DNAH1: variants seen among roughly 807,000 people sequenced by gnomAD.
DNAH1 encodes axonemal beta dynein heavy chain 1.
A neutral mutation model predicts 484.3 loss-of-function variants in DNAH1; 327 were observed. The observed-to-expected ratio is 0.68, with a 90% confidence interval of 0.62 to 0.74. The LOEUF is 0.74. Ranked by LOEUF, DNAH1 falls within the 30% of genes least tolerant of loss-of-function variation. The pLI, the probability that DNAH1 is intolerant of heterozygous loss-of-function variation, is 0.00. For synonymous variants in DNAH1, 2,192 were observed against 2,191.9 expected, an observed-to-expected ratio of 1.00 and a Z score of 0.00; for missense variants, 5,052 against 5,546.8, an observed-to-expected ratio of 0.91 and a Z score of 2.83.
rs924896677 is a variant in DNAH1, at chr3:52,348,733, C to T, written c.2107-155C>T. On this transcript the variant is annotated intron_variant, in intron 12 of 77. Coordinates refer to ENST00000420323, the MANE Select transcript of DNAH1 (RefSeq NM_015512.5). ...CAAACCCCCTTCTCCCGCTGCATCC[C>T]TCCTTTTGTATTTGGTCACCCTGCC... Among the ~76,000 whole-genome samples, 13 of 152,174 alleles carry T rather than the reference C, an allele frequency of 8.5e-5. 1 individual carries two copies. In the East Asian group the frequency reaches 9.6e-4, roughly 11 times the overall value.
chr3:52,391,519 A>T lies in DNAH1; in HGVS notation c.9968A>T (p.Tyr3323Phe). 1 of 1,613,600 alleles carries T rather than the reference A, an allele frequency of 6.2e-7. No individual in the cohort carries two copies. Among genetic ancestry groups the T allele is most frequent in the Non-Finnish European group, 8.5e-7 (1 of 1,179,774 alleles). ...VIPYHEDFRMYITTKLPNPHY... is the reference protein window; with the variant it reads ...VIPYHEDFRMFITTKLPNPHY... ...CCCTACCATGAGGACTTCAGGATGT[A>T]CATCACCACCAAGCTGCCCAACCCA... Residue 3323 changes from tyrosine to phenylalanine, a missense_variant, in exon 63 of 78, where the codon TAC becomes TTC. Around this residue, in one of 4 missense-constraint regions of DNAH1, gnomAD observed 2,929 missense variants for 3,409.4 expected, o/e 0.86. Transcript: ENST00000420323.
intron 75 of DNAH1, among the ~76,000 whole-genome samples, chr3:52,398,630 A>C (rs1041042740): frequency 1.3e-5 from 2 of 152,018 alleles, no homozygotes; most frequent in African/African-American, 4.8e-5. Flanking sequence ...TAGACGAGTA[A>C]ACTGTGACCC....
rs1702895031 is a variant in DNAH1, at chr3:52,362,262, G to C, written c.4981-126G>C. 1.3e-6 allele frequency: 1 copy of C among 741,054 alleles called. No homozygotes were observed. Among genetic ancestry groups the C allele is most frequent in the Admixed American group, 2.3e-5 (1 of 42,764 alleles). The allele number at this position is 741,054 out of a possible 1,614,324, so 45.9% of individuals were successfully genotyped here. On this transcript the variant is annotated intron_variant, in intron 30 of 77. Transcript: ENST00000420323. The surrounding 1 kb of genome is among the most constrained non-coding windows in gnomAD (Gnocchi z 5.1). ...AGAGAGGATACAACCCATGATCAGGGGTCCAGGCCTGGCCTACCAGCTACA... is the reference window on the plus strand; with the variant it reads ...AGAGAGGATACAACCCATGATCAGGCGTCCAGGCCTGGCCTACCAGCTACA...
In DNAH1 at chr3:52,358,785, C is replaced by G. The variant is rs1483656820; in HGVS notation, c.4266+48C>G. ...AGCCTTCCACCCCTGCACCCCTCTGCTCCCTCTCAGTGCCCCTCCTGCTCT... is the reference window on the plus strand; with the variant it reads ...AGCCTTCCACCCCTGCACCCCTCTGGTCCCTCTCAGTGCCCCTCCTGCTCT... On this transcript the variant is annotated intron_variant, in intron 25 of 77. Coordinates refer to ENST00000420323, the MANE Select transcript of DNAH1 (RefSeq NM_015512.5). The surrounding 1 kb of genome is among the most constrained non-coding windows in gnomAD (Gnocchi z 4.2). 1.9e-6 allele frequency: 3 copies of G among 1,602,588 alleles called. No individual in the cohort carries two copies. Among genetic ancestry groups the G allele is most frequent in the Non-Finnish European group, 2.6e-6 (3 of 1,175,982 alleles).
intron 36 of DNAH1, among the ~76,000 whole-genome samples, chr3:52,367,935 G>A (rs1703155024): frequency 6.6e-6 from 1 of 152,204 alleles, no homozygotes; most frequent in South Asian, 2.1e-4. Context: ...CAGGCACAGG[G>A]ACCACTGCAC....
chr3:52,384,396 G>T (rs1383943058), intron 52 of DNAH1, among the ~76,000 whole-genome samples: 3 of 152,186 alleles, frequency 2.0e-5, no homozygotes, highest in Non-Finnish European at 4.4e-5. Context: ...TACCAGCTGT[G>T]CTGAGGCCTT....
At chr3:52,373,823 A>G (rs1323440258) in intron 44 of DNAH1, 6 of 1,420,912 alleles carry the variant, frequency 4.2e-6, no homozygotes, top group Non-Finnish European at 5.0e-6. Flanking sequence ...ATGTGATCAC[A>G]GAGCCTGTTT....
upstream of DNAH1, among the ~76,000 whole-genome samples, chr3:52,313,141 G>C (rs1211762479): frequency 6.6e-6 from 1 of 152,210 alleles, no homozygotes; most frequent in East Asian, 1.9e-4. Flanking sequence ...GAAAGACAGT[G>C]GGGTGGGTAC....
chr3:52,327,890 C>T lies in DNAH1; in HGVS notation c.747C>T (p.Asp249=), dbSNP rs751722890. 7.0e-5 allele frequency: 113 copies of T among 1,613,466 alleles called. No homozygotes were observed. Among genetic ancestry groups the T allele is most frequent in the Non-Finnish European group, 8.5e-7 (1 of 1,179,520 alleles). ...GGCCTGCTTTCTTCCAGGTATTTGA[C>T]AATGAGGACTTTGACTGCCGGACTC... The part of the protein sequence containing the change: ...FPIYLPLKVF[D]NEDFDCRTPR... Residue 249 remains aspartate (D), a synonymous_variant, in exon 6 of 78, where the codon GAC becomes GAT. Coordinates refer to ENST00000420323, the MANE Select transcript of DNAH1 (RefSeq NM_015512.5).
chr3:52,346,727 G>A lies in DNAH1; in HGVS notation c.1912G>A (p.Asp638Asn), dbSNP rs201988957. The A allele has an allele frequency of 1.9e-3, 3,118 of 1,613,268 alleles. 3 individuals are homozygous for A. Among genetic ancestry groups the A allele is most frequent in the Non-Finnish European group, 2.2e-3 (2,553 of 1,179,316 alleles). ...DTCCSVLNCT[D>N]DMVWGDDLIN... ...CTGTTGCAGCGTGCTCAACTGCACCGATGACATGGTCTGGGGTGACGACTT... is the reference window on the plus strand; with the variant it reads ...CTGTTGCAGCGTGCTCAACTGCACCAATGACATGGTCTGGGGTGACGACTT... The change falls in exon 11 of 78, where the codon GAT becomes AAT. Residue 638 changes from aspartate (D) to asparagine (N), a missense_variant. Physicochemically the swap from Asp to Asn is conservative, Grantham distance 23. Around this residue, in one of 4 missense-constraint regions of DNAH1, gnomAD observed 1,263 missense variants for 1,218.8 expected, o/e 1.04. Coordinates refer to ENST00000420323, the MANE Select transcript of DNAH1 (RefSeq NM_015512.5).
Position 52,351,702 on chromosome 3 carries a change from CCTTGGG to C in DNAH1, c.2730-259_2730-254del, listed in dbSNP as rs1160505245. On this transcript the variant is annotated intron_variant, in intron 16 of 77. Coordinates refer to ENST00000420323, the MANE Select transcript of DNAH1 (RefSeq NM_015512.5). ...TTGGTCCCCATCACTACACTGGGCA[CCTTGGG>C]TCTGCATCTCACTGGATGCAGACTG... Among the ~76,000 whole-genome samples, 10 of 152,338 alleles carry C rather than the reference CCTTGGG, an allele frequency of 6.6e-5. No individual in the cohort carries two copies. In the East Asian group the frequency reaches 1.9e-3, roughly 29 times the overall value.
At chr3:52,340,419 T>C (rs908165025) in intron 8 of DNAH1, among the ~76,000 whole-genome samples, 4 of 150,696 alleles carry the variant, frequency 2.7e-5, no homozygotes, top group African/African-American at 9.7e-5. Flanking sequence ...TTTATTTATT[T>C]ATTTATTTAT....
intron 5 of DNAH1, 93 bp downstream of exon 5, chr3:52,326,984 C>CCACCAGT: frequency 1.4e-6 from 2 of 1,427,048 alleles, no homozygotes; most frequent in Non-Finnish European, 9.4e-7. Flanking sequence ...GGGGATTCCC[C>CCACCAGT]CACCAGTCAC....
intron 1 of DNAH1, among the ~76,000 whole-genome samples, chr3:52,319,131 C>T (rs775815665): frequency 6.6e-6 from 1 of 152,224 alleles, no homozygotes; most frequent in Non-Finnish European, 1.5e-5. Context: ...TCTTTACTTT[C>T]CTGGGCCCTA....
chr3:52,391,213 G>A lies in DNAH1; in HGVS notation c.9776G>A (p.Ser3259Asn), dbSNP rs1274915543. ...AATGGGCTGGATGTGTTCAAGTTGA[G>A]TGACCGCGACTTCCTGCGCAGCATG... ...KDNGLDVFKLSDRDFLRSMEN... is the reference protein window; with the variant it reads ...KDNGLDVFKLNDRDFLRSMEN... Residue 3259 changes from serine to asparagine, a missense_variant, in exon 62 of 78, where the codon AGT becomes AAT. This residue lies in a region of DNAH1 where 2,929 missense variants were observed against 3,409.4 expected (regional missense o/e 0.86). Transcript: ENST00000420323. 2 of 1,613,980 alleles carry A rather than the reference G, an allele frequency of 1.2e-6. No individual in the cohort carries two copies. Among genetic ancestry groups the A allele is most frequent in the East Asian group, 2.2e-5 (1 of 44,870 alleles).
At position 52,355,030 on chromosome 3, in the gene DNAH1, G is replaced by A; in HGVS notation, c.3668G>A (p.Trp1223Ter). 6.2e-7 allele frequency: 1 copy of A among 1,613,790 alleles called. No individual in the cohort carries two copies. The highest frequency in any genetic ancestry group is 8.5e-7 in the Non-Finnish European group (1 of 1,179,888). ...CCCTTTGAGCAGCGCATCAACTCCT[G>A]GGAGAACAAACTGAAGCTGACCCAG... ...KKPFEQRINS[W>*]ENKLKLTQEV... The change falls in exon 21 of 78, where the codon TGG (tryptophan) becomes TAG (stop). Residue 1223 changes from tryptophan to a stop codon, truncating the protein, a stop_gained. Transcript: ENST00000420323. LOFTEE classifies it high-confidence loss of function. The surrounding 1 kb of genome is among the most constrained non-coding windows in gnomAD (Gnocchi z 4.5).
chr3:52,370,335 C>T, intron 39 of DNAH1, 106 bp downstream of exon 39: 2 of 1,539,540 alleles, frequency 1.3e-6, no homozygotes, highest in Admixed American at 3.7e-5. Context: ...CAACATGGTG[C>T]AACATGGACA....
At position 52,384,971 on chromosome 3, in the gene DNAH1, C is replaced by T. The variant is rs200315265; in HGVS notation, c.8508C>T (p.Leu2836=). 12 of 1,612,402 alleles carry T rather than the reference C, an allele frequency of 7.4e-6. No homozygotes were observed. Among genetic ancestry groups the T allele is most frequent in the Admixed American group, 1.7e-5 (1 of 59,866 alleles). The change falls in exon 53 of 78, where the codon CTC becomes CTT. Residue 2836 remains leucine, a synonymous_variant. Coordinates refer to ENST00000420323, the MANE Select transcript of DNAH1 (RefSeq NM_015512.5). ...KTAKNRMKSG[L]DKLLRTSEDV... is the part of the protein sequence containing the mutation. ...CCAAGAACCGCATGAAGAGCGGCCT[C>T]GACAAGGTGGGCCCAGGCGAGTCCC...
chr3:52,391,329 G>C lies in DNAH1; in HGVS notation c.9891+1G>C. The C allele has an allele frequency of 6.2e-7, 1 of 1,607,108 alleles. No individual in the cohort carries two copies. Among genetic ancestry groups the C allele is most frequent in the Non-Finnish European group, 8.5e-7 (1 of 1,176,752 alleles). On this transcript the variant is annotated splice_donor_variant, in intron 62 of 77. Coordinates refer to ENST00000420323, the MANE Select transcript of DNAH1 (RefSeq NM_015512.5). LOFTEE classifies it high-confidence loss of function. ...CCTGGAGCCAGTGCTGCTCAAGCAG[G>C]TGGGTCTGCAGTGGTGATGGCAGGG...
Sources: allele counts gnomAD v4.1 joint callset (sites outside exome capture counted in the v4.1 genomes callset), GRCh38; gene constraint gnomAD v4.1.1; regional missense constraint gnomAD v4.1.1; non-coding constraint Gnocchi (gnomAD v3.1); transcripts MANE v1.5; gene names NCBI Gene and HGNC (gene_info 2026-07-23, HGNC 2026-07-21).